The following KAZN variants were observed in gnomAD, a reference collection of about 807,000 sequenced individuals.
KAZN encodes the protein kazrin.
In KAZN, 40 loss-of-function variants were observed where a neutral mutation model predicts 87.4. That is an observed-to-expected ratio of 0.46 (90% CI 0.36 to 0.60). KAZN has a LOEUF of 0.60. KAZN is among the 20% of genes least tolerant of loss of function. The pLI is 0.00. For missense variants in KAZN, 898 were observed against 1,073.9 expected (o/e 0.84, Z 2.29); for synonymous variants, 466 against 458.3 (o/e 1.02, Z -0.22).
At chr1:14,501,828 A>G (rs1478998900) in intron 2 of KAZN, among the ~76,000 whole-genome samples, 1 of 152,236 alleles carries the variant, frequency 6.6e-6, no homozygotes, top group African/African-American at 2.4e-5. Context: ...CTGTGCTACA[A>G]CATGGGTGCA....
chr1:14,264,540 C>G (rs1415364571), intron 2 of KAZN, among the ~76,000 whole-genome samples: 1 of 152,090 alleles, frequency 6.6e-6, no homozygotes, highest in East Asian at 1.9e-4. Context: ...AAGGATGAGT[C>G]CTACCCCCAT....
intron 1 of KAZN, among the ~76,000 whole-genome samples, chr1:14,687,602 A>AG (rs1283386646): frequency 6.6e-6 from 1 of 152,180 alleles, no homozygotes; most frequent in African/African-American, 2.4e-5. Flanking sequence ...GTAAGACACA[A>AG]GGGGGGAGGA....
chr1:14,841,696 G>A (rs1648039256), intron 1 of KAZN, among the ~76,000 whole-genome samples: 1 of 152,196 alleles, frequency 6.6e-6, no homozygotes, highest in African/African-American at 2.4e-5. Context: ...GAAACCAGCA[G>A]ATGCTGCAAA....
chr1:14,276,191 GTGTGTGTGTGTA>G (rs1426535790), intron 2 of KAZN, among the ~76,000 whole-genome samples: 1 of 116,648 alleles, frequency 8.6e-6, no homozygotes, highest in African/African-American at 2.8e-5. Flanking sequence ...GTGTGTGTGT[GTGTGTGTGTGTA>G]TCCTTTATCA....
intron 1 of KAZN, among the ~76,000 whole-genome samples, chr1:14,102,618 C>A (rs535882552): frequency 6.6e-6 from 1 of 152,300 alleles, no homozygotes; most frequent in African/African-American, 2.4e-5. Context: ...AGCTCCATTT[C>A]CATGTTTTGG....
chr1:14,982,461 ACT>A (rs1055727660), intron 2 of KAZN, among the ~76,000 whole-genome samples: 52 of 116,380 alleles, frequency 4.5e-4, no homozygotes, highest in African/African-American at 1.7e-3. Context: ...ATGGAGTGAC[ACT>A]CTGTCACCCA....
intron 13 of KAZN, among the ~76,000 whole-genome samples, chr1:15,107,690 C>A (rs1641344680): frequency 6.6e-6 from 1 of 152,176 alleles, no homozygotes; most frequent in African/African-American, 2.4e-5. Flanking sequence ...TGATTTATTC[C>A]AAACCCACCC....
Position 14,060,243 on chromosome 1 carries a change from G to A in KAZN, c.92-120192G>A, listed in dbSNP as rs1169864762. Among the ~76,000 whole-genome samples, 3 of 151,880 alleles carry A rather than the reference G, an allele frequency of 2.0e-5. 1 individual carries two copies. The East Asian group carries it at 5.8e-4, about 30-fold the overall frequency. On this transcript the variant is annotated intron_variant, in intron 1 of 16. Transcript: ENST00000636203. ...CTGGGCGTGGCAGCATGCGCCTGTA[G>A]TCCCAGCTGCTGGGAAGGCTGAGGC...
chr1:14,435,719 C>A (rs1242239261), intron 2 of KAZN, among the ~76,000 whole-genome samples: 2 of 152,212 alleles, frequency 1.3e-5, no homozygotes, highest in African/African-American at 4.8e-5. Flanking sequence ...ACCGCAGCTA[C>A]CTCATCTTAG....
At chr1:14,766,401 G>A (rs1025378886) in intron 1 of KAZN, among the ~76,000 whole-genome samples, 3 of 151,946 alleles carry the variant, frequency 2.0e-5, no homozygotes, top group African/African-American at 4.8e-5. Flanking sequence ...AAAAGGCCTC[G>A]GGCAGAGCCA....
At chr1:13,956,693 A>T (rs938145282) in intron 1 of KAZN, among the ~76,000 whole-genome samples, 1 of 152,152 alleles carries the variant, frequency 6.6e-6, no homozygotes, top group Non-Finnish European at 1.5e-5. Context: ...TGCTTGGAGC[A>T]TGATATGCAC....
chr1:14,093,863 G>C (rs540167091), intron 1 of KAZN, among the ~76,000 whole-genome samples: 1 of 152,224 alleles, frequency 6.6e-6, no homozygotes, highest in South Asian at 2.1e-4. Context: ...AAAAAGAAAA[G>C]ATCTGAGCTG....
intron 1 of KAZN, among the ~76,000 whole-genome samples, chr1:13,900,959 A>T (rs1639224495): frequency 6.6e-6 from 1 of 152,192 alleles, no homozygotes; most frequent in Non-Finnish European, 1.5e-5. Flanking sequence ...GAAGTTTAAT[A>T]ACACTAGGAT....
Position 15,021,769 on chromosome 1 carries a change from G to A in KAZN, c.419-12980G>A, listed in dbSNP as rs1670692940. Reference sequence around the variant, plus strand: ...AGGTTTCGGTCCCCTCCCTGGGACCGGCCTAGCTGTTTCCAGCCCTTTCTC... The same window carrying A: ...AGGTTTCGGTCCCCTCCCTGGGACCAGCCTAGCTGTTTCCAGCCCTTTCTC... On this transcript the variant is annotated intron_variant, in intron 2 of 14. Coordinates refer to ENST00000376030, the MANE Select transcript of KAZN (RefSeq NM_201628.3). This position sits in a 1 kb window ranked among gnomAD's most constrained non-coding sequence, Gnocchi z 4.2. Among the ~76,000 whole-genome samples, 1 of 152,190 alleles carries A rather than the reference G, an allele frequency of 6.6e-6. No individual in the cohort carries two copies. Among genetic ancestry groups the A allele is most frequent in the African/African-American group, 2.4e-5 (1 of 41,448 alleles).
chr1:14,245,263 A>G (rs1218848693), intron 2 of KAZN, among the ~76,000 whole-genome samples: 1 of 152,040 alleles, frequency 6.6e-6, no homozygotes, highest in African/African-American at 2.4e-5. Context: ...CCCAGGCAGG[A>G]GAGGGCACAG....
intron 2 of KAZN, among the ~76,000 whole-genome samples, chr1:14,268,268 T>C (rs2100673667): frequency 6.6e-6 from 1 of 152,300 alleles, no homozygotes; most frequent in South Asian, 2.1e-4. Context: ...AAGAGCTAAC[T>C]GTGGTGCTGA....
intron 2 of KAZN, among the ~76,000 whole-genome samples, chr1:14,363,339 T>C (rs1269499095): frequency 6.6e-6 from 1 of 152,162 alleles, no homozygotes; most frequent in East Asian, 1.9e-4. Flanking sequence ...AAGGGCCTAG[T>C]AGGTGCAGCC....
At chr1:14,291,162 ACTGT>A (rs1490267637) in intron 2 of KAZN, among the ~76,000 whole-genome samples, 1 of 152,194 alleles carries the variant, frequency 6.6e-6, no homozygotes, top group African/African-American at 2.4e-5. Context: ...GAGGAGGCAG[ACTGT>A]CTGTTCTCAG....
chr1:13,942,085 C>T (rs181772090), intron 1 of KAZN, among the ~76,000 whole-genome samples: 51 of 152,180 alleles, frequency 3.4e-4, no homozygotes, highest in Admixed American at 1.4e-3. Context: ...TTCCAGTTAG[C>T]GCCCTGAAAT....
Sources: allele counts gnomAD v4.1 joint callset (sites outside exome capture counted in the v4.1 genomes callset), GRCh38; gene constraint gnomAD v4.1.1; non-coding constraint Gnocchi (gnomAD v3.1); transcripts MANE v1.5; gene names NCBI Gene and HGNC (gene_info 2026-07-23, HGNC 2026-07-21).